SDK1: variants seen among roughly 807,000 people sequenced by gnomAD.
SDK1 encodes protein sidekick-1.
Under a neutral mutation model 245.5 loss-of-function variants are expected in SDK1, and 157 were observed. The observed-to-expected ratio is 0.64, with a 90% CI of 0.56 to 0.73. The LOEUF (loss-of-function observed/expected upper bound fraction) is 0.73. SDK1 is among the 30% of genes least tolerant of loss of function. The pLI is 0.00. For synonymous variants in SDK1, 1,647 were observed against 1,278.5 expected, an observed-to-expected ratio of 1.29 and a Z score of -6.15; for missense variants, 3,583 against 3,002.3, an observed-to-expected ratio of 1.19 and a Z score of -4.52.
intron 5 of SDK1, among the ~76,000 whole-genome samples, chr7:3,880,903 G>A (rs897573514): frequency 1.3e-5 from 2 of 152,090 alleles, no homozygotes; most frequent in African/African-American, 4.8e-5. Context: ...AAGGAAAGGC[G>A]AGGAAGGCGT....
chr7:4,195,279 C>G (rs565247958), intron 35 of SDK1, among the ~76,000 whole-genome samples: 1 of 152,198 alleles, frequency 6.6e-6, no homozygotes, highest in Non-Finnish European at 1.5e-5. Flanking sequence ...TCACGCGATG[C>G]GCTGCTTGTT....
At chr7:3,471,188 C>A (rs114334529) in intron 1 of SDK1, among the ~76,000 whole-genome samples, 1 of 152,100 alleles carries the variant, frequency 6.6e-6, no homozygotes, top group African/African-American at 2.4e-5. Flanking sequence ...TTGCTAATTA[C>A]TTGAGTCGTG....
chr7:3,563,003 A>G (rs1371643813), intron 1 of SDK1, among the ~76,000 whole-genome samples: 1 of 150,734 alleles, frequency 6.6e-6, no homozygotes, highest in African/African-American at 2.4e-5. Context: ...AACAGAAAAT[A>G]CATGCAAGTA....
intron 13 of SDK1, among the ~76,000 whole-genome samples, chr7:3,984,149 A>G (rs954430926): frequency 6.6e-6 from 1 of 152,128 alleles, no homozygotes; most frequent in Non-Finnish European, 1.5e-5. Flanking sequence ...GGCAGGGGGA[A>G]AATCTGAAAC....
At chr7:4,101,866 A>T (rs1040700282) in intron 22 of SDK1, among the ~76,000 whole-genome samples, 12 of 152,078 alleles carry the variant, frequency 7.9e-5, no homozygotes, top group African/African-American at 2.7e-4. Flanking sequence ...GGACACACTC[A>T]GGAGGGTCAG....
intron 1 of SDK1, among the ~76,000 whole-genome samples, chr7:3,434,544 T>G (rs1191779209): frequency 6.6e-6 from 1 of 152,164 alleles, no homozygotes; most frequent in Admixed American, 6.5e-5. Flanking sequence ...CACAGCTCCT[T>G]AAGTATTATC....
intron 1 of SDK1, among the ~76,000 whole-genome samples, chr7:3,586,452 C>T (rs1399779761): frequency 2.0e-5 from 3 of 151,822 alleles, no homozygotes; most frequent in African/African-American, 4.8e-5. Flanking sequence ...AATCCCAGCA[C>T]TTTGGGAGGC....
At chr7:4,228,551 T>G (rs1311735816) in intron 40 of SDK1, among the ~76,000 whole-genome samples, 1 of 152,212 alleles carries the variant, frequency 6.6e-6, no homozygotes, top group Non-Finnish European at 1.5e-5. Context: ...TTTTCTCTTT[T>G]CTTTTTGAAA....
chr7:4,238,549 C>T (rs902754190), intron 42 of SDK1, among the ~76,000 whole-genome samples: 15 of 148,498 alleles, frequency 1.0e-4, no homozygotes, highest in South Asian at 4.3e-4. Flanking sequence ...GACAACAAAG[C>T]GAGATCCTGT....
chr7:4,078,840 G>A (rs2128178178), intron 21 of SDK1, among the ~76,000 whole-genome samples: 1 of 152,230 alleles, frequency 6.6e-6, no homozygotes. Context: ...TTATCCAGTT[G>A]CCTGAGCAAC....
intron 7 of SDK1, among the ~76,000 whole-genome samples, chr7:3,957,158 G>T (rs939362812): frequency 2.0e-4 from 31 of 152,158 alleles, no homozygotes; most frequent in Non-Finnish European, 3.8e-4. Context: ...CGGATTAGTG[G>T]TTGTGAGGGG....
intron 9 of SDK1, among the ~76,000 whole-genome samples, chr7:3,966,521 T>C (rs1782096540): frequency 6.6e-6 from 1 of 152,032 alleles, no homozygotes; most frequent in Non-Finnish European, 1.5e-5. Context: ...CCATCCCCCA[T>C]GAACAAGAAG....
intron 1 of SDK1, among the ~76,000 whole-genome samples, chr7:3,396,489 A>C (rs558303919): frequency 6.6e-6 from 1 of 151,890 alleles, no homozygotes; most frequent in East Asian, 1.9e-4. Context: ...TGAAATGTTC[A>C]ACTATTGTTT....
intron 16 of SDK1, among the ~76,000 whole-genome samples, chr7:4,015,259 C>G (rs894862519): frequency 6.6e-5 from 10 of 152,134 alleles, no homozygotes; most frequent in Non-Finnish European, 1.5e-5. Context: ...GCAAAGTCTT[C>G]CGATGCTGGT....
At chr7:3,594,585 A>C (rs779185020) in intron 1 of SDK1, among the ~76,000 whole-genome samples, 5 of 152,130 alleles carry the variant, frequency 3.3e-5, no homozygotes, top group African/African-American at 1.2e-4. Context: ...ATTTCTCCAC[A>C]TCCTTGCCAA....
chr7:3,620,182 T>C (rs1392516009), intron 2 of SDK1, among the ~76,000 whole-genome samples: 2 of 152,142 alleles, frequency 1.3e-5, no homozygotes, highest in Non-Finnish European at 2.9e-5. Context: ...ACCTCTGAGG[T>C]TGTGATACGG....
intron 1 of SDK1, among the ~76,000 whole-genome samples, chr7:3,504,186 G>A (rs1782313673): frequency 1.3e-5 from 2 of 149,124 alleles, no homozygotes; most frequent in African/African-American, 4.9e-5. Context: ...ATATATATGT[G>A]TGTGTGTGTG....
At chr7:4,097,638 G>T (rs1307821702) in intron 22 of SDK1, among the ~76,000 whole-genome samples, 1 of 152,182 alleles carries the variant, frequency 6.6e-6, no homozygotes, top group Non-Finnish European at 1.5e-5. Flanking sequence ...GTCTCCTGCA[G>T]GTTCATAAGC....
At chr7:3,807,577 G>T (rs553257885) in intron 4 of SDK1, among the ~76,000 whole-genome samples, 49 of 152,226 alleles carry the variant, frequency 3.2e-4, no homozygotes, top group South Asian at 6.2e-4. Context: ...AAAGACACAC[G>T]AAGACAGGCA....
Sources: allele counts gnomAD v4.1 joint callset (sites outside exome capture counted in the v4.1 genomes callset), GRCh38; gene constraint gnomAD v4.1.1; transcripts MANE v1.5; gene names NCBI Gene and HGNC (gene_info 2026-07-23, HGNC 2026-07-21).